C10orf67: variants seen among roughly 807,000 people sequenced by gnomAD.
The protein encoded by C10orf67 is chromosome 10 open reading frame 67.
Under a neutral mutation model 35.6 loss-of-function variants are expected in C10orf67, and 60 were observed. That is an observed-to-expected ratio of 1.68 (90% CI 1.37 to 2.09). The LOEUF is 2.09. Ranked by LOEUF, C10orf67 falls within the 30% of genes most tolerant of loss-of-function variation. The pLI, the probability that C10orf67 is intolerant of heterozygous loss-of-function variation, is 0.00. For missense variants in C10orf67, 474 were observed against 330.2 expected, an observed-to-expected ratio of 1.44 and a Z score of -3.38; for synonymous variants, 167 against 115.8, an observed-to-expected ratio of 1.44 and a Z score of -2.84.
chr10:23,272,232 T>C (rs1243458528), intron 8 of C10orf67, among the ~76,000 whole-genome samples: 2 of 152,224 alleles, frequency 1.3e-5, no homozygotes, highest in East Asian at 1.9e-4. Context: ...TTTTAAATTT[T>C]TGATAAACTG....
intron 1 of C10orf67, among the ~76,000 whole-genome samples, chr10:23,342,933 A>C (rs1438386914): frequency 6.6e-6 from 1 of 152,246 alleles, no homozygotes; most frequent in Non-Finnish European, 1.5e-5. Context: ...CCCCTGCCTT[A>C]TACAACGGTA....
At chr10:23,216,633 T>C (rs1841439349) in intron 15 of C10orf67, among the ~76,000 whole-genome samples, 1 of 152,138 alleles carries the variant, frequency 6.6e-6, no homozygotes, top group African/African-American at 2.4e-5. Context: ...TGGAATATAC[T>C]ATACAGCAGG....
At chr10:23,322,310 G>A in intron 3 of C10orf67, 84 bp downstream of exon 3, 1 of 1,406,696 alleles carries the variant, frequency 7.1e-7, no homozygotes, top group Non-Finnish European at 9.7e-7. Context: ...GCCCTCACAA[G>A]TTACTAAATT....
At chr10:23,323,922 T>C (rs1489989686) in intron 2 of C10orf67, among the ~76,000 whole-genome samples, 1 of 37,908 alleles carries the variant, frequency 2.6e-5, no homozygotes, top group Non-Finnish European at 4.2e-5. Flanking sequence ...TATATATATA[T>C]ATATATATAT....
intron 3 of C10orf67, among the ~76,000 whole-genome samples, 184 bp downstream of exon 3, chr10:23,322,210 C>T (rs943848429): frequency 1.3e-5 from 2 of 152,130 alleles, no homozygotes; most frequent in Admixed American, 1.3e-4. Flanking sequence ...TAAATCAGTT[C>T]ATATGCTAAG....
chr10:23,329,035 AAAAG>A (rs1208082315), intron 2 of C10orf67, among the ~76,000 whole-genome samples: 3 of 150,912 alleles, frequency 2.0e-5, no homozygotes, highest in Non-Finnish European at 1.5e-5. Context: ...AGAAAAAAAG[AAAAG>A]AAAGAAAGAG....
chr10:23,272,840 C>T (rs1473570545), intron 8 of C10orf67, among the ~76,000 whole-genome samples: 1 of 152,120 alleles, frequency 6.6e-6, no homozygotes, highest in Admixed American at 6.5e-5. Context: ...AATATTTCTG[C>T]ACCTATTTAA....
chr10:23,212,157 G>A (rs1841326520), intron 15 of C10orf67, among the ~76,000 whole-genome samples: 1 of 152,198 alleles, frequency 6.6e-6, no homozygotes, highest in Admixed American at 6.5e-5. Context: ...GTAGACACAG[G>A]GAGAATGTCA....
chr10:23,301,871 A>G (rs558397902), intron 5 of C10orf67, among the ~76,000 whole-genome samples: 1 of 152,348 alleles, frequency 6.6e-6, no homozygotes, highest in South Asian at 2.1e-4. Flanking sequence ...ATTATGATCA[A>G]CCCGGGCACT....
intron 15 of C10orf67, among the ~76,000 whole-genome samples, chr10:23,210,358 A>G (rs1841274490): frequency 6.6e-6 from 1 of 152,184 alleles, no homozygotes; most frequent in Admixed American, 6.5e-5. Flanking sequence ...AAATAGGGAT[A>G]TTGTGAGAAC....
rs137983793 is a variant in C10orf67, at chr10:23,323,894, A to AATATAT, written c.328-1363_328-1358dup. On this transcript the variant is annotated intron_variant, in intron 2 of 15. Transcript: ENST00000636213. ...GGGCAGCAGAGCAAGACTCCGTCTA[A>AATATAT]ATATATATATATATATATATATATA... 2.1e-3 allele frequency among the ~76,000 whole-genome samples: 90 copies of AATATAT among 42,744 alleles called. 1 individual carries two copies. The highest frequency in any genetic ancestry group is 3.9e-3 in the Non-Finnish European group (66 of 16,894). The allele number at this position is 42,744 out of a possible 152,430, so 28.0% of individuals were successfully genotyped here.
At chr10:23,288,496 T>C (rs961992096) in intron 7 of C10orf67, among the ~76,000 whole-genome samples, 3 of 151,900 alleles carry the variant, frequency 2.0e-5, no homozygotes, top group Admixed American at 6.6e-5. Flanking sequence ...CAGAGAGAAC[T>C]TAGAGGATGG....
chr10:23,260,128 C>T (rs1219331658), intron 10 of C10orf67, among the ~76,000 whole-genome samples: 1 of 152,024 alleles, frequency 6.6e-6, no homozygotes, highest in Non-Finnish European at 1.5e-5. Flanking sequence ...GAAAGAGAAA[C>T]TCTTGAAGTC....
intron 13 of C10orf67, among the ~76,000 whole-genome samples, chr10:23,230,188 A>G (rs772283390): frequency 7.2e-5 from 11 of 152,144 alleles, no homozygotes; most frequent in Non-Finnish European, 1.0e-4. Flanking sequence ...CTTAATAATG[A>G]CAGGTGGAAT....
chr10:23,231,113 G>A (rs1402818597), intron 13 of C10orf67, among the ~76,000 whole-genome samples: 1 of 151,858 alleles, frequency 6.6e-6, no homozygotes, highest in African/African-American at 2.4e-5. Flanking sequence ...ATGCCCAGCT[G>A]ATTTTTTTTT....
rs117276418 is a variant in C10orf67 at position 23,272,474 on chromosome 10, C to G, written c.976-5220G>C. 1.2e-3 allele frequency among the ~76,000 whole-genome samples: 186 copies of G among 152,292 alleles called. 3 individuals are homozygous for G. The East Asian group carries it at 0.024, about 20-fold the overall frequency. ...CTTACTACTTGAATTGCGTTTGCAT[C>G]TTGGTCAGAAATCAATTCATTATAT... is the stretch of plus-strand genomic sequence containing the variant. On this transcript the variant is annotated intron_variant, in intron 8 of 15. Coordinates refer to ENST00000636213, the MANE Select transcript of C10orf67 (RefSeq NM_001371909.1).
chr10:23,231,119 T>G (rs1343490658), intron 13 of C10orf67, among the ~76,000 whole-genome samples: 1 of 152,000 alleles, frequency 6.6e-6, no homozygotes, highest in Admixed American at 6.6e-5. Context: ...AGCTGATTTT[T>G]TTTTCTATTT....
intron 8 of C10orf67, among the ~76,000 whole-genome samples, chr10:23,275,531 G>A (rs1237087098): frequency 6.6e-6 from 1 of 152,100 alleles, no homozygotes; most frequent in Non-Finnish European, 1.5e-5. Flanking sequence ...CTGCAGGAAT[G>A]ACCTTTGGTT....
rs1168523752 is a variant in C10orf67 at position 23,324,238 on chromosome 10, T to G, written c.328-1701A>C. On this transcript the variant is annotated intron_variant, in intron 2 of 15. Coordinates refer to ENST00000636213, the MANE Select transcript of C10orf67 (RefSeq NM_001371909.1). ...ACTGATGTAGATTCTCTAGAGATTCTGATTGCTGGGACCCTCTCTTTTGTA... is the reference window on the plus strand; with the variant it reads ...ACTGATGTAGATTCTCTAGAGATTCGGATTGCTGGGACCCTCTCTTTTGTA... Among the ~76,000 whole-genome samples, 3 of 151,990 alleles carry G rather than the reference T, an allele frequency of 2.0e-5. No individual in the cohort carries two copies. The East Asian group carries it at 5.9e-4, about 30-fold the overall frequency.
Sources: gnomAD v4.1 joint callset for allele counts (sites outside exome capture counted in the v4.1 genomes callset) on GRCh38, gnomAD v4.1.1 for gene constraint, MANE v1.5 for transcripts, NCBI Gene and HGNC (gene_info 2026-07-23, HGNC 2026-07-21) for gene names.